Variants in ADAMTS10 observed in about 807,000 individuals in gnomAD.
ADAMTS10 encodes the protein A disintegrin and metalloproteinase with thrombospondin motifs 10.
A neutral mutation model predicts 135.9 loss-of-function variants in ADAMTS10; 48 were observed. The observed-to-expected ratio is 0.35, with a 90% CI of 0.28 to 0.45. ADAMTS10 has a LOEUF of 0.45. Among genes scored for constraint, ADAMTS10 ranks in the 20% least tolerant of loss-of-function variants. ADAMTS10 has a pLI of 1.00. For synonymous variants in ADAMTS10, 621 were observed against 647.5 expected, an observed-to-expected ratio of 0.96 and a Z score of 0.62; for missense variants, 1,131 against 1,565.2, an observed-to-expected ratio of 0.72 and a Z score of 4.68.
intron 12 of ADAMTS10, among the ~76,000 whole-genome samples, chr19:8,595,314 C>G (rs1383774143): frequency 6.6e-6 from 1 of 152,134 alleles, no homozygotes; most frequent in Non-Finnish European, 1.5e-5. Context: ...AGGCTCAGAG[C>G]TCCTCCAGAC....
At chr19:8,602,990 C>T (rs2042682808) in intron 5 of ADAMTS10, among the ~76,000 whole-genome samples, 1 of 152,170 alleles carries the variant, frequency 6.6e-6, no homozygotes, top group African/African-American at 2.4e-5. Flanking sequence ...AGCTTTCCTT[C>T]TCTCTCATTT....
rs1555736597 is a variant in ADAMTS10, at chr19:8,585,194, T to C, written c.2980A>G (p.Thr994Ala). The C allele has an allele frequency of 2.1e-6, 3 of 1,418,386 alleles. No individual in the cohort carries two copies. Among genetic ancestry groups the C allele is most frequent in the Non-Finnish European group, 2.8e-6 (3 of 1,090,834 alleles). 87.9% of individuals were successfully genotyped at this position (1,418,386 alleles called of 1,614,324 possible). The change falls in exon 24 of 26, where the codon ACC becomes GCC. Residue 994 changes from threonine to alanine, a missense_variant. Coordinates refer to ENST00000597188, the MANE Select transcript of ADAMTS10 (RefSeq NM_030957.4). ...HCSPAAKPPA[T>A]MRCNLRRCPP... Reference sequence around the variant, plus strand: ...CAGCGGCGCAAGTTGCAGCGCATGGTGGCCGGTGGCTTGGCGGCGGGTGAG... The same window carrying C: ...CAGCGGCGCAAGTTGCAGCGCATGGCGGCCGGTGGCTTGGCGGCGGGTGAG...
At chr19:8,595,565 C>T in intron 12 of ADAMTS10, 197 bp downstream of exon 12, 4 of 810,772 alleles carry the variant, frequency 4.9e-6, no homozygotes, top group Non-Finnish European at 7.8e-6. Flanking sequence ...TGTTCCCAAG[C>T]ACTGTCTGAT....
rs185728190 is a variant in ADAMTS10 at position 8,602,798 on chromosome 19, T to G, written c.592+930A>C. On this transcript the variant is annotated intron_variant, in intron 5 of 25. Coordinates refer to ENST00000597188, the MANE Select transcript of ADAMTS10 (RefSeq NM_030957.4). ...ACACCACCACACCTGGCTTATTTTT[T>G]CTATTTTTGGTTGAGATAGTGTCTC... Among the ~76,000 whole-genome samples, 530 of 152,156 alleles carry G rather than the reference T, an allele frequency of 3.5e-3. 3 individuals carry two copies. The highest frequency in any genetic ancestry group is 5.7e-3 in the Non-Finnish European group (389 of 67,974).
chr19:8,605,799 T>C lies in ADAMTS10; in HGVS notation c.-89A>G. On this transcript the variant is annotated 5_prime_UTR_variant, in exon 3 of 26. The change abolishes an upstream ATG in the 5' untranslated region. Transcript: ENST00000597188. This position sits in a 1 kb window ranked among gnomAD's most constrained non-coding sequence, Gnocchi z 7.7. ...TCCCCTGTTCACAGCCTTCGCAGCA[T>C]CACCGGGCTCCTGGGAGGGGGGAGC... The C allele has an allele frequency of 1.3e-6, 2 of 1,522,640 alleles. No homozygotes were observed. Among genetic ancestry groups the C allele is most frequent in the Non-Finnish European group, 8.8e-7 (1 of 1,137,026 alleles). 94.3% of individuals were successfully genotyped at this position (1,522,640 alleles called of 1,614,324 possible).
In ADAMTS10 at chr19:8,586,883, G is replaced by T; in HGVS notation, c.2172C>A (p.Val724=). The change falls in exon 19 of 26, where the codon GTC becomes GTA. Residue 724 remains valine, a synonymous_variant. Coordinates refer to ENST00000597188, the MANE Select transcript of ADAMTS10 (RefSeq NM_030957.4). ...GGACGGAGCCTTTGGGAATCCAGAC[G>T]ACATCCTCGTACCCTGAACAGCAGA... is the stretch of plus-strand genomic sequence containing the variant. ...PASPGAGYED[V]VWIPKGSVHI... The T allele has an allele frequency of 6.2e-7, 1 of 1,614,106 alleles. No individual in the cohort carries two copies. The highest frequency in any genetic ancestry group is 8.5e-7 in the Non-Finnish European group (1 of 1,180,034).
intron 6 of ADAMTS10, among the ~76,000 whole-genome samples, chr19:8,600,609 C>G (rs1034684665): frequency 1.3e-5 from 2 of 151,548 alleles, no homozygotes; most frequent in Non-Finnish European, 1.5e-5. Context: ...CGCCATTCTC[C>G]TGCCTCGGCC....
intron 1 of ADAMTS10, among the ~76,000 whole-genome samples, chr19:8,609,545 C>T (rs1292200879): frequency 6.6e-6 from 1 of 152,104 alleles, no homozygotes; most frequent in African/African-American, 2.4e-5. Flanking sequence ...TGCCGGCCTC[C>T]TCCCGGCTGC....
At position 8,596,207 on chromosome 19, in the gene ADAMTS10, GTTCATGCC is replaced by G; in HGVS notation, c.1195_1202del (p.Gly399ProfsTer2). ...CACAGCTGTTTCCCACGCCGTCATG[GTTCATGCC>G]GAATCTGGGGAAAGGGGTGTCGGCT... On this transcript the variant is annotated frameshift_variant, in exon 11 of 26. Transcript: ENST00000597188. LOFTEE classifies it high-confidence loss of function. The surrounding 1 kb of genome is among the most constrained non-coding windows in gnomAD (Gnocchi z 7.2). The G allele has an allele frequency of 6.2e-7, 1 of 1,614,028 alleles. No homozygotes were observed. The highest frequency in any genetic ancestry group is 8.5e-7 in the Non-Finnish European group (1 of 1,180,034).
intron 5 of ADAMTS10, among the ~76,000 whole-genome samples, chr19:8,602,701 T>C (rs926225221): frequency 7.2e-5 from 11 of 151,990 alleles, no homozygotes; most frequent in Non-Finnish European, 1.0e-4. Context: ...TCAAGGCTCA[T>C]TGGAGCCTCA....
chr19:8,581,130 C>CTTTTTTTTTTTTTTTTTTTTTT (rs369050914), intron 25 of ADAMTS10, 128 bp from the exon 26 acceptor site: 22 of 147,320 alleles, frequency 1.5e-4, no homozygotes, highest in Non-Finnish European at 2.0e-4. Context: ...TTTAAATTTA[C>CTTTTTTTTTTTTTTTTTTTTTT]TTTTTTTTTT....
rs1555742320 is a variant in ADAMTS10 at position 8,605,266 on chromosome 19, G to A, written c.181C>T (p.Pro61Ser). The A allele has an allele frequency of 6.2e-7, 1 of 1,612,996 alleles. No individual in the cohort carries two copies. The highest frequency in any genetic ancestry group is 8.5e-7 in the Non-Finnish European group (1 of 1,179,542). Residue 61 changes from proline to serine, a missense_variant, in exon 4 of 26, where the codon CCC becomes TCC. Physicochemically the swap from Pro to Ser is moderately conservative, Grantham distance 74 (BLOSUM62 -1). Coordinates refer to ENST00000597188, the MANE Select transcript of ADAMTS10 (RefSeq NM_030957.4). This position sits in a 1 kb window ranked among gnomAD's most constrained non-coding sequence, Gnocchi z 7.7. ...GALLAFSPPP[P>S]RRQRRGTGAT... ...CCCGTGCCGCGGCGCTGCCTCCGGGGAGGAGGTGGCGAGAAGGCCAGCAGT... is the reference window on the plus strand; with the variant it reads ...CCCGTGCCGCGGCGCTGCCTCCGGGAAGGAGGTGGCGAGAAGGCCAGCAGT...
Position 8,601,266 on chromosome 19 carries a change from TTCTGGTCATTCTGCTGCCTTC to T in ADAMTS10, c.593-142_593-122del, listed in dbSNP as rs2042667022. 9.2e-7 allele frequency: 1 copy of T among 1,089,236 alleles called. No homozygotes were observed. Among genetic ancestry groups the T allele is most frequent in the Non-Finnish European group, 1.3e-6 (1 of 742,210 alleles). The allele number at this position is 1,089,236 out of a possible 1,614,324, so 67.5% of individuals were successfully genotyped here. ...CTACCCAACAGTCTGGACAGACAAT[TTCTGGTCATTCTGCTGCCTTC>T]TCTTGTTGTCCAGCTACCTGTGTGA... is the stretch of plus-strand genomic sequence containing the variant. On this transcript the variant is annotated intron_variant, in intron 5 of 25. Coordinates refer to ENST00000597188, the MANE Select transcript of ADAMTS10 (RefSeq NM_030957.4). This position sits in a 1 kb window ranked among gnomAD's most constrained non-coding sequence, Gnocchi z 4.6.
chr19:8,590,971 G>A (rs2042517262), intron 15 of ADAMTS10, among the ~76,000 whole-genome samples: 1 of 152,186 alleles, frequency 6.6e-6, no homozygotes, highest in African/African-American at 2.4e-5. Context: ...TGGATTCTCT[G>A]AAGACCTGGT....
intron 12 of ADAMTS10, 61 bp downstream of exon 12, chr19:8,595,701 C>CA: frequency 1.1e-4 from 148 of 1,341,728 alleles, no homozygotes; most frequent in Non-Finnish European, 1.4e-4. Context: ...GTGGAGTTCC[C>CA]TCCCCCAGCC....
At chr19:8,594,908 T>C (rs1555739837) in intron 12 of ADAMTS10, among the ~76,000 whole-genome samples, 1 of 152,170 alleles carries the variant, frequency 6.6e-6, no homozygotes, top group African/African-American at 2.4e-5. Flanking sequence ...AAGGGTGGAA[T>C]GTCAGTGAAA....
chr19:8,595,873 C>A lies in ADAMTS10; in HGVS notation c.1368G>T (p.Arg456=). 6.2e-7 allele frequency: 1 copy of A among 1,614,158 alleles called. No homozygotes were observed. The highest frequency in any genetic ancestry group is 8.5e-7 in the Non-Finnish European group (1 of 1,180,032). The change falls in exon 12 of 26, where the codon CGG becomes CGT. Residue 456 remains arginine (R), a synonymous_variant. Transcript: ENST00000597188. ...DSGLGLCLNN[R]PPRQDFVYPT... is the part of the protein sequence containing the mutation. Reference sequence around the variant, plus strand: ...GGTACACAAAGTCCTGTCTGGGGGGCCGGTTGTTCAGGCAGAGCCCCAGGC... The same window carrying A: ...GGTACACAAAGTCCTGTCTGGGGGGACGGTTGTTCAGGCAGAGCCCCAGGC...
rs112276260 is a variant in ADAMTS10 at position 8,581,850 on chromosome 19, A to C, written c.3203-848T>G. ...ACTCTGTCACAAAACAAAACAAAAA[A>C]ACAAAAAAACAAAAAAAAAAAAAAG... On this transcript the variant is annotated intron_variant, in intron 25 of 25. Coordinates refer to ENST00000597188, the MANE Select transcript of ADAMTS10 (RefSeq NM_030957.4). Among the ~76,000 whole-genome samples, 275 of 139,156 alleles carry C rather than the reference A, an allele frequency of 2.0e-3. 2 individuals carry two copies. Among genetic ancestry groups the C allele is most frequent in the Middle Eastern group, 7.1e-3 (2 of 280 alleles). 91.3% of individuals were successfully genotyped at this position (139,156 alleles called of 152,430 possible). A position where few individuals can be genotyped will look rare whatever the true frequency, so the allele number is the denominator to read the frequency against.
In ADAMTS10 at chr19:8,605,951, A is replaced by AC; in HGVS notation, c.-99-143dup. 3 of 787,590 alleles carry AC rather than the reference A, an allele frequency of 3.8e-6. No homozygotes were observed. Among genetic ancestry groups the AC allele is most frequent in the Non-Finnish European group, 3.9e-6 (2 of 513,704 alleles). The allele number at this position is 787,590 out of a possible 1,614,324, so 48.8% of individuals were successfully genotyped here. On this transcript the variant is annotated intron_variant, in intron 2 of 25. Coordinates refer to ENST00000597188, the MANE Select transcript of ADAMTS10 (RefSeq NM_030957.4). This position sits in a 1 kb window ranked among gnomAD's most constrained non-coding sequence, Gnocchi z 7.7. ...CTCACTCAGTCACTCCCCTCTCCCC[A>AC]CCTCCCCTTCCAATCCTTCCTACAC...
Sources: gnomAD v4.1 joint callset for allele counts (sites outside exome capture counted in the v4.1 genomes callset) on GRCh38, gnomAD v4.1.1 for gene constraint, Gnocchi (gnomAD v3.1) non-coding constraint, MANE v1.5 for transcripts, NCBI Gene and HGNC (gene_info 2026-07-23, HGNC 2026-07-21) for gene names.